The following SEMA3A variants were observed in gnomAD, a reference collection of about 807,000 sequenced individuals.
The protein encoded by SEMA3A is semaphorin 3A.
In SEMA3A, 29 loss-of-function variants were observed where a neutral mutation model predicts 97.9. That is an observed-to-expected ratio of 0.30 (90% confidence interval 0.22 to 0.40). The LOEUF is 0.40. SEMA3A is among the 10% of genes least tolerant of loss of function. The probability of loss-of-function intolerance (pLI) is 1.00; values close to 1 mark genes in which losing one functional copy is unlikely to be tolerated. For synonymous variants in SEMA3A, 321 were observed against 323.7 expected (o/e 0.99, Z 0.09); for missense variants, 763 against 951.3 (o/e 0.80, Z 2.60).
chr7:83,984,410 G>C (rs1026654972), intron 13 of SEMA3A, among the ~76,000 whole-genome samples: 2 of 152,076 alleles, frequency 1.3e-5, no homozygotes, highest in Non-Finnish European at 2.9e-5. Context: ...TGATATGTCT[G>C]TGTAGGAAAA....
chr7:83,963,195 A>T lies in SEMA3A; in HGVS notation c.1860+10T>A. 6.2e-7 allele frequency: 1 copy of T among 1,612,390 alleles called. No individual in the cohort carries two copies. Among genetic ancestry groups the T allele is most frequent in the South Asian group, 1.1e-5 (1 of 91,084 alleles). ...AGATATAAATGATCCAGTCAGTTTC[A>T]TTCCTGTACCTCTTCTTTTCGCTCT... On this transcript the variant is annotated intron_variant, in intron 16 of 16. Coordinates refer to ENST00000265362, the MANE Select transcript of SEMA3A (RefSeq NM_006080.3).
intron 1 of SEMA3A, among the ~76,000 whole-genome samples, chr7:84,402,075 A>G (rs1240232302): frequency 6.6e-6 from 1 of 152,178 alleles, no homozygotes; most frequent in Non-Finnish European, 1.5e-5. Context: ...CTTGGGAGAA[A>G]ACATTTGTAA....
At chr7:84,264,563 A>G (rs1799942802) in intron 3 of SEMA3A, among the ~76,000 whole-genome samples, 1 of 152,232 alleles carries the variant, frequency 6.6e-6, no homozygotes, top group African/African-American at 2.4e-5. Context: ...GGTTCAGATG[A>G]AATGCATTCA....
In SEMA3A at chr7:83,956,723, C is replaced by T. The variant is rs1218866273; in HGVS notation, c.*4648G>A. 1 of 152,066 alleles carries T rather than the reference C, an allele frequency of 6.6e-6. No homozygotes were observed. The highest frequency in any genetic ancestry group is 2.4e-5 in the African/African-American group (1 of 41,434). 9.4% of individuals were successfully genotyped at this position (152,066 alleles called of 1,614,324 possible). A position where few individuals can be genotyped will look rare whatever the true frequency, so the allele number is the denominator to read the frequency against. ...GACATTTAACTTTTCTTTATGAAAC[C>T]TGTGTTTTATCTGTTTGAATGCTTG... On this transcript the variant is annotated 3_prime_UTR_variant, in exon 17 of 17. Transcript: ENST00000265362.
intron 2 of SEMA3A, among the ~76,000 whole-genome samples, chr7:84,316,967 C>A (rs1483094223): frequency 1.3e-5 from 2 of 151,592 alleles, no homozygotes; most frequent in Non-Finnish European, 3.0e-5. Context: ...GTGATAACAG[C>A]AAAAACATTT....
chr7:84,426,659 T>C (rs2116307798), intron 1 of SEMA3A, among the ~76,000 whole-genome samples: 1 of 152,276 alleles, frequency 6.6e-6, no homozygotes, highest in African/African-American at 2.4e-5. Context: ...TAAATATCTC[T>C]TAATGAGGTT....
chr7:84,368,295 A>G (rs1802899397), intron 2 of SEMA3A, among the ~76,000 whole-genome samples: 1 of 151,128 alleles, frequency 6.6e-6, no homozygotes, highest in African/African-American at 2.4e-5. Context: ...TTAATCCTTT[A>G]TTTTGTATGC....
intron 1 of SEMA3A, among the ~76,000 whole-genome samples, chr7:84,406,702 C>T (rs1804100485): frequency 6.6e-6 from 1 of 152,138 alleles, no homozygotes; most frequent in Non-Finnish European, 1.5e-5. Context: ...GCTTATCCAC[C>T]ATGATCAAGT....
At chr7:84,113,748 C>CA (rs1376202469) in intron 3 of SEMA3A, among the ~76,000 whole-genome samples, 2 of 152,052 alleles carry the variant, frequency 1.3e-5, no homozygotes, top group African/African-American at 4.8e-5. Flanking sequence ...CCATATTGAC[C>CA]TCTTATTTTA....
At chr7:84,252,657 T>C (rs1799634362) in intron 3 of SEMA3A, among the ~76,000 whole-genome samples, 1 of 152,214 alleles carries the variant, frequency 6.6e-6, no homozygotes, top group African/African-American at 2.4e-5. Flanking sequence ...CAGGATGACA[T>C]GAATATTAAA....
intron 4 of SEMA3A, among the ~76,000 whole-genome samples, chr7:84,092,115 A>C (rs1049547243): frequency 6.6e-6 from 1 of 152,164 alleles, no homozygotes; most frequent in Non-Finnish European, 1.5e-5. Flanking sequence ...ATTTTTTAAA[A>C]GGCATTTTTT....
chr7:84,489,510 T>C (rs1035727364), intron 1 of SEMA3A, among the ~76,000 whole-genome samples: 1 of 152,150 alleles, frequency 6.6e-6, no homozygotes, highest in Non-Finnish European at 1.5e-5. Context: ...GGAATTTATT[T>C]TGTGAAAGCC....
At chr7:84,163,088 A>T (rs2116172731) in intron 1 of SEMA3A, among the ~76,000 whole-genome samples, 1 of 152,286 alleles carries the variant, frequency 6.6e-6, no homozygotes, top group African/African-American at 2.4e-5. Context: ...CTTTTATTTT[A>T]TAGGTAACCA....
chr7:84,472,668 G>A (rs543071170), intron 1 of SEMA3A, among the ~76,000 whole-genome samples: 2 of 152,080 alleles, frequency 1.3e-5, no homozygotes, highest in South Asian at 2.1e-4. Flanking sequence ...CTTATATGTC[G>A]CACAGGATCA....
intron 1 of SEMA3A, among the ~76,000 whole-genome samples, chr7:84,455,439 T>C (rs913055847): frequency 2.6e-5 from 4 of 151,980 alleles, no homozygotes; most frequent in Admixed American, 2.6e-4. Flanking sequence ...AACTAATATT[T>C]CTAAATGTTC....
intron 4 of SEMA3A, among the ~76,000 whole-genome samples, chr7:84,087,192 T>C (rs545023330): frequency 6.6e-6 from 1 of 152,296 alleles, no homozygotes; most frequent in East Asian, 1.9e-4. Flanking sequence ...GTTACTGTAG[T>C]AAGAGGTTAG....
chr7:84,099,374 A>ATTCATTTGGAAAT (rs1562781375), intron 4 of SEMA3A, among the ~76,000 whole-genome samples: 2 of 150,070 alleles, frequency 1.3e-5, no homozygotes, highest in African/African-American at 4.9e-5. Flanking sequence ...CCGGCCTTGA[A>ATTCATTTGGAAAT]TTTTTTTTAA....
At chr7:84,194,420 A>G (rs796513188) in intron 1 of SEMA3A, 55 bp downstream of exon 1, 1 of 1,136,700 alleles carries the variant, frequency 8.8e-7, no homozygotes, top group Non-Finnish European at 1.3e-6. Flanking sequence ...TCAAGGAATT[A>G]AGGGGGGGGG....
chr7:84,003,563 C>G (rs913395431), intron 11 of SEMA3A, among the ~76,000 whole-genome samples: 3 of 152,058 alleles, frequency 2.0e-5, no homozygotes, highest in African/African-American at 7.2e-5. Flanking sequence ...AAATTGGTGC[C>G]TTTAAAGACA....
Sources: allele counts gnomAD v4.1 joint callset (sites outside exome capture counted in the v4.1 genomes callset), GRCh38; gene constraint gnomAD v4.1.1; transcripts MANE v1.5; gene names NCBI Gene and HGNC (gene_info 2026-07-23, HGNC 2026-07-21).